The following TNFRSF19 variants were observed in gnomAD, a reference collection of about 807,000 sequenced individuals.
TNFRSF19 encodes the protein TNF receptor superfamily member 19, also known as tumor necrosis factor receptor superfamily member 19.
TNFRSF19 carries 27 observed loss-of-function variants against 46.4 expected under a neutral mutation model. The ratio of observed to expected loss-of-function variants is 0.58; its 90% CI spans 0.43 to 0.80. The LOEUF is 0.80. Among genes scored for constraint, TNFRSF19 ranks in the 30% least tolerant of loss-of-function variants. The pLI is 0.00. For synonymous variants in TNFRSF19, 204 were observed against 205.0 expected, an observed-to-expected ratio of 1.00 and a Z score of 0.04; for missense variants, 511 against 530.8, an observed-to-expected ratio of 0.96 and a Z score of 0.37.
At chr13:23,665,617 C>G (rs1023435375) in intron 7 of TNFRSF19, among the ~76,000 whole-genome samples, 2 of 152,134 alleles carry the variant, frequency 1.3e-5, no homozygotes, top group Admixed American at 1.3e-4. Flanking sequence ...TATCCCCTCT[C>G]TCTCGTGTGT....
intron 4 of TNFRSF19, among the ~76,000 whole-genome samples, chr13:23,616,498 G>A (rs966408057): frequency 1.3e-5 from 2 of 152,164 alleles, no homozygotes; most frequent in African/African-American, 4.8e-5. Context: ...TTACATACTT[G>A]GGCTATGTCA....
At chr13:23,574,550 T>C (rs1273726915) in intron 1 of TNFRSF19, among the ~76,000 whole-genome samples, 2 of 152,076 alleles carry the variant, frequency 1.3e-5, no homozygotes, top group Non-Finnish European at 2.9e-5. Flanking sequence ...AGGACCTCCC[T>C]AAGCCATGAA....
At chr13:23,641,202 T>C (rs1229739663) in intron 5 of TNFRSF19, among the ~76,000 whole-genome samples, 1 of 152,264 alleles carries the variant, frequency 6.6e-6, no homozygotes, top group Non-Finnish European at 1.5e-5. Flanking sequence ...TTGTTTTCCA[T>C]ATCCCTTGAG....
At chr13:23,586,877 A>G (rs969250968) in intron 1 of TNFRSF19, among the ~76,000 whole-genome samples, 1 of 152,066 alleles carries the variant, frequency 6.6e-6, no homozygotes, top group Non-Finnish European at 1.5e-5. Context: ...CCGACATTTC[A>G]TGCTTGTGGA....
intron 4 of TNFRSF19, among the ~76,000 whole-genome samples, chr13:23,620,927 C>G (rs1053810435): frequency 1.3e-5 from 2 of 152,188 alleles, no homozygotes; most frequent in Admixed American, 1.3e-4. Flanking sequence ...CCTACCACCC[C>G]CTCTTAACAA....
At chr13:23,589,337 T>C (rs1566167084) in intron 1 of TNFRSF19, among the ~76,000 whole-genome samples, 2 of 152,244 alleles carry the variant, frequency 1.3e-5, no homozygotes, top group Non-Finnish European at 2.9e-5. Context: ...GGTTAGTGCC[T>C]GTGATTTCAT....
At chr13:23,644,207 G>A (rs1183295364) in intron 5 of TNFRSF19, among the ~76,000 whole-genome samples, 1 of 152,190 alleles carries the variant, frequency 6.6e-6, no homozygotes, top group Non-Finnish European at 1.5e-5. Context: ...AGCTTGCATA[G>A]CTGTACTGGT....
At chr13:23,608,279 C>T (rs1481674762) in intron 3 of TNFRSF19, among the ~76,000 whole-genome samples, 1 of 152,196 alleles carries the variant, frequency 6.6e-6, no homozygotes, top group Non-Finnish European at 1.5e-5. Flanking sequence ...ATGTAAACGA[C>T]ATCTGTTAAC....
chr13:23,581,007 C>T (rs1264399909), intron 1 of TNFRSF19, among the ~76,000 whole-genome samples: 1 of 152,176 alleles, frequency 6.6e-6, no homozygotes, highest in Non-Finnish European at 1.5e-5. Flanking sequence ...TTATTTGTTT[C>T]TTTGGCCGGA....
intron 7 of TNFRSF19, among the ~76,000 whole-genome samples, chr13:23,662,390 T>C (rs895718262): frequency 3.3e-5 from 5 of 152,250 alleles, no homozygotes; most frequent in Admixed American, 2.0e-4. Flanking sequence ...TCTATGTGCC[T>C]GTTTTTGTAC....
At chr13:23,575,058 G>A (rs529959681) in intron 1 of TNFRSF19, among the ~76,000 whole-genome samples, 3 of 152,254 alleles carry the variant, frequency 2.0e-5, no homozygotes, top group Admixed American at 2.0e-4. Flanking sequence ...CCTGTTAAAT[G>A]CCCCCCATTC....
chr13:23,649,510 T>C (rs1883517201), intron 5 of TNFRSF19, among the ~76,000 whole-genome samples: 1 of 152,112 alleles, frequency 6.6e-6, no homozygotes, highest in South Asian at 2.1e-4. Flanking sequence ...AAGTCAACTT[T>C]TGTTTTTTTC....
In TNFRSF19 at chr13:23,675,029, G is replaced by A. The variant is rs556440403; in HGVS notation, c.*1649G>A. ...TTTCATTGTAGCCCCAAGCGGTCAT[G>A]TCAACCTAGTGCCTAGTCATAATTA... On this transcript the variant is annotated 3_prime_UTR_variant, in exon 10 of 10. Coordinates refer to ENST00000248484, the MANE Select transcript of TNFRSF19 (RefSeq NM_148957.4). 1 of 152,304 alleles carries A rather than the reference G, an allele frequency of 6.6e-6. No homozygotes were observed. The highest frequency in any genetic ancestry group is 2.4e-5 in the African/African-American group (1 of 41,568). The allele number at this position is 152,304 out of a possible 1,614,324, so 9.4% of individuals were successfully genotyped here. A position where few individuals can be genotyped will look rare whatever the true frequency, so the allele number is the denominator to read the frequency against.
In TNFRSF19 at chr13:23,675,099, G is replaced by A. The variant is rs368825535; in HGVS notation, c.*1719G>A. The A allele has an allele frequency of 2.6e-5, 4 of 152,236 alleles. No homozygotes were observed. The East Asian group carries it at 7.7e-4, about 29-fold the overall frequency. 9.4% of individuals were successfully genotyped at this position (152,236 alleles called of 1,614,324 possible). ...CTTCTTTTTTTAAGTATAAACCAAT[G>A]ATCCTTTGGTAGTCAAGAACTCTTA... is the stretch of plus-strand genomic sequence containing the variant. On this transcript the variant is annotated 3_prime_UTR_variant, in exon 10 of 10. Coordinates refer to ENST00000248484, the MANE Select transcript of TNFRSF19 (RefSeq NM_148957.4).
chr13:23,673,108 G>A (rs1285754225), intron 9 of TNFRSF19, among the ~76,000 whole-genome samples: 1 of 152,194 alleles, frequency 6.6e-6, no homozygotes, highest in Non-Finnish European at 1.5e-5. Flanking sequence ...CATTATGATT[G>A]CTATGGGTTA....
At position 23,649,404 on chromosome 13, in the gene TNFRSF19, T is replaced by C. The variant is rs370295428; in HGVS notation, c.446-9646T>C. 3.3e-5 allele frequency among the ~76,000 whole-genome samples: 5 copies of C among 152,304 alleles called. No homozygotes were observed. The East Asian group carries it at 7.7e-4, about 23-fold the overall frequency. On this transcript the variant is annotated intron_variant, in intron 5 of 9. Coordinates refer to ENST00000248484, the MANE Select transcript of TNFRSF19 (RefSeq NM_148957.4). ...ATCCTTTTTATTTCTGTAAAGACTT[T>C]AGTAATATTCTCTTTCATTTCTGAA...
chr13:23,600,405 G>A (rs1294601612), intron 3 of TNFRSF19, among the ~76,000 whole-genome samples: 1 of 152,070 alleles, frequency 6.6e-6, no homozygotes, highest in Non-Finnish European at 1.5e-5. Context: ...GCCTAGGTTT[G>A]GAAAAGTCTG....
intron 7 of TNFRSF19, among the ~76,000 whole-genome samples, chr13:23,664,595 C>T (rs916371971): frequency 2.6e-5 from 4 of 152,138 alleles, no homozygotes; most frequent in Admixed American, 6.5e-5. Context: ...GTCTAATAAC[C>T]CATCTGTATT....
intron 5 of TNFRSF19, among the ~76,000 whole-genome samples, chr13:23,638,442 G>A (rs2138329135): frequency 6.6e-6 from 1 of 152,258 alleles, no homozygotes; most frequent in African/African-American, 2.4e-5. Flanking sequence ...GCTGAGGCCT[G>A]GGGTGCACCT....
Sources: gnomAD v4.1 joint callset for allele counts (sites outside exome capture counted in the v4.1 genomes callset) on GRCh38, gnomAD v4.1.1 for gene constraint, MANE v1.5 for transcripts, NCBI Gene and HGNC (gene_info 2026-07-23, HGNC 2026-07-21) for gene names.